Variants in DMTN observed in about 807,000 individuals in gnomAD.
DMTN encodes dematin.
DMTN carries 27 observed loss-of-function variants against 59.4 expected under a neutral mutation model. That is an observed-to-expected ratio of 0.45 (90% CI 0.33 to 0.63). The LOEUF (loss-of-function observed/expected upper bound fraction) is 0.63. Among genes scored for constraint, DMTN ranks in the 20% least tolerant of loss-of-function variants. DMTN has a pLI of 0.02. For synonymous variants in DMTN, 221 were observed against 203.7 expected, an observed-to-expected ratio of 1.08 and a Z score of -0.72; for missense variants, 451 against 528.9, an observed-to-expected ratio of 0.85 and a Z score of 1.45.
chr8:22,069,581 C>G (rs1277663331), intron 6 of DMTN, 63 bp downstream of exon 6: 2 of 1,388,842 alleles, frequency 1.4e-6, no homozygotes, highest in Non-Finnish European at 2.0e-6. Context: ...ACCCCAATCC[C>G]CTTACGCTCA....
intron 10 of DMTN, among the ~76,000 whole-genome samples, chr8:22,074,067 C>A (rs1428320348): frequency 6.6e-6 from 1 of 152,210 alleles, no homozygotes; most frequent in Admixed American, 6.5e-5. Context: ...TGAGCGTTTA[C>A]CATGTGCTAG....
chr8:22,079,302 T>TATATATATAAATA (rs1491109949), intron 10 of DMTN, among the ~76,000 whole-genome samples: 5 of 15,522 alleles, frequency 3.2e-4, no homozygotes, highest in African/African-American at 6.2e-4. Flanking sequence ...ATATATATAT[T>TATATATATAAATA]AGCTGGGTTT....
chr8:22,060,735 G>A lies in DMTN; in HGVS notation c.-172+3599G>A, dbSNP rs957708680. Among the ~76,000 whole-genome samples the A allele has an allele frequency of 3.3e-5, 5 of 152,252 alleles. No individual in the cohort carries two copies. The highest frequency in any genetic ancestry group is 9.6e-5 in the African/African-American group (4 of 41,476). On this transcript the variant is annotated intron_variant, in intron 1 of 15. Coordinates refer to ENST00000358242, the MANE Select transcript of DMTN (RefSeq NM_001387751.1). This position sits in a 1 kb window ranked among gnomAD's most constrained non-coding sequence, Gnocchi z 5.0. Reference sequence around the variant, plus strand: ...GCGCAAGACCCAGCAGTGGGGTTGTGGGCAGGAAGGGACTGGAGACAGAGC... The same window carrying A: ...GCGCAAGACCCAGCAGTGGGGTTGTAGGCAGGAAGGGACTGGAGACAGAGC...
rs961111048 is a variant in DMTN at position 22,082,262 on chromosome 8, C to T, written c.*799C>T. On this transcript the variant is annotated 3_prime_UTR_variant, in exon 16 of 16. Transcript: ENST00000358242. ...CTGGCTACCAGCTCTCACCTACACC[C>T]ACGCACCCCCCCACACACTATGCTC... 1 of 457,006 alleles carries T rather than the reference C, an allele frequency of 2.2e-6. No homozygotes were observed. Among genetic ancestry groups the T allele is most frequent in the Non-Finnish European group, 4.4e-6 (1 of 227,024 alleles). 28.3% of individuals were successfully genotyped at this position (457,006 alleles called of 1,614,324 possible).
intron 1 of DMTN, among the ~76,000 whole-genome samples, chr8:22,065,699 C>T (rs1810015469): frequency 6.6e-6 from 1 of 152,050 alleles, no homozygotes; most frequent in East Asian, 2.0e-4. Flanking sequence ...AAAAATTAGC[C>T]AGGCACACGC....
chr8:22,071,774 G>A (rs1185459177), intron 8 of DMTN, among the ~76,000 whole-genome samples: 2 of 151,338 alleles, frequency 1.3e-5, no homozygotes, highest in South Asian at 2.1e-4. Flanking sequence ...TAGAGATGGG[G>A]TTTCACCATG....
rs1444910931 is a variant in DMTN, at chr8:22,067,639, C to G, written c.206C>G (p.Thr69Ser). 1 of 1,614,152 alleles carries G rather than the reference C, an allele frequency of 6.2e-7. No individual in the cohort carries two copies. Among genetic ancestry groups the G allele is most frequent in the African/African-American group, 1.3e-5 (1 of 75,064 alleles). The change falls in exon 4 of 16, where the codon ACT becomes AGT. Residue 69 changes from threonine (T) to serine (S), a missense_variant. Physicochemically the swap from Thr to Ser is moderately conservative, Grantham distance 58 (BLOSUM62 1). Coordinates refer to ENST00000358242, the MANE Select transcript of DMTN (RefSeq NM_001387751.1). ...CTCATGATCTACGAGCCTCACTTCA[C>G]TTATTCCCTCCTGGAACACGTGGAG... ...PDLMIYEPHF[T>S]YSLLEHVELP...
chr8:22,062,822 C>T (rs1038914940), intron 1 of DMTN, among the ~76,000 whole-genome samples: 3 of 142,484 alleles, frequency 2.1e-5, no homozygotes, highest in African/African-American at 7.6e-5. Context: ...CCCTCCCATT[C>T]TTTCTCTCAA....
At chr8:22,079,302 T>TATATATATATATATATATATATATA (rs1491109949) in intron 10 of DMTN, among the ~76,000 whole-genome samples, 1 of 15,534 alleles carries the variant, frequency 6.4e-5, no homozygotes, top group African/African-American at 1.2e-4. Flanking sequence ...ATATATATAT[T>TATATATATATATATATATATATATA]AGCTGGGTTT....
rs774024887 is a variant in DMTN at position 22,069,530 on chromosome 8, C to T, written c.394+12C>T. On this transcript the variant is annotated intron_variant, in intron 6 of 15. Coordinates refer to ENST00000358242, the MANE Select transcript of DMTN (RefSeq NM_001387751.1). The stretch of plus-strand genomic sequence containing the variant: ...TTTCCACCACCCTGGTAGGTCTTCT[C>T]GGCACGACCTCATTGTTTCCTAAGA... 19 of 1,578,980 alleles carry T rather than the reference C, an allele frequency of 1.2e-5. No individual in the cohort carries two copies. Among genetic ancestry groups the T allele is most frequent in the East Asian group, 1.1e-4 (5 of 44,404 alleles).
At chr8:22,062,651 C>T (rs960242556) in intron 1 of DMTN, among the ~76,000 whole-genome samples, 1 of 151,968 alleles carries the variant, frequency 6.6e-6, no homozygotes, top group African/African-American at 2.4e-5. Context: ...CCTGGCTGTA[C>T]CACCTGGCCA....
chr8:22,069,790 C>T (rs1016876921), intron 6 of DMTN, 91 bp from the exon 7 acceptor site: 9 of 1,459,534 alleles, frequency 6.2e-6, no homozygotes, highest in African/African-American at 2.8e-5. Context: ...GTGAGTTCCC[C>T]ACCTTGTCCC....
intron 1 of DMTN, among the ~76,000 whole-genome samples, chr8:22,065,530 G>A (rs889074351): frequency 6.6e-6 from 1 of 152,148 alleles, no homozygotes; most frequent in African/African-American, 2.4e-5. Context: ...GGTGGACAGA[G>A]CAGTGGAAGG....
At position 22,080,736 on chromosome 8, in the gene DMTN, A is replaced by G. The variant is rs529705525; in HGVS notation, c.958-69A>G. On this transcript the variant is annotated intron_variant, in intron 13 of 15. Transcript: ENST00000358242. ...CCACAGAGTTGCCTGGTGAAGAAGA[A>G]GAAGCCGGGGTAAGGCTGGGAAGGT... is the stretch of plus-strand genomic sequence containing the variant. 7.3e-4 allele frequency: 1,160 copies of G among 1,587,124 alleles called. 27 individuals carry two copies. In the South Asian group the frequency reaches 0.013, roughly 17 times the overall value.
At chr8:22,080,352 G>C in intron 11 of DMTN, 60 bp from the exon 12 acceptor site, 1 of 1,613,698 alleles carries the variant, frequency 6.2e-7, no homozygotes. Flanking sequence ...GACCCCCAAA[G>C]TGAAGGGGAC....
At chr8:22,072,144 C>A (rs1816039832) in intron 8 of DMTN, among the ~76,000 whole-genome samples, 182 bp from the exon 9 acceptor site, 1 of 152,150 alleles carries the variant, frequency 6.6e-6, no homozygotes, top group Non-Finnish European at 1.5e-5. Flanking sequence ...CCCACCTCAG[C>A]CTCCCAATGT....
chr8:22,066,785 G>A lies in DMTN; in HGVS notation c.-91G>A. ...CTGCTTTCGCGGCCCCAAGCGCGCAGCGCCCAGCAGCCGCGCCGAGCCTGA... is the reference window on the plus strand; with the variant it reads ...CTGCTTTCGCGGCCCCAAGCGCGCAACGCCCAGCAGCCGCGCCGAGCCTGA... On this transcript the variant is annotated 5_prime_UTR_variant, in exon 2 of 16. Transcript: ENST00000358242. 7.3e-7 allele frequency: 1 copy of A among 1,361,564 alleles called. No individual in the cohort carries two copies. Among genetic ancestry groups the A allele is most frequent in the Non-Finnish European group, 9.6e-7 (1 of 1,045,616 alleles). 84.3% of individuals were successfully genotyped at this position (1,361,564 alleles called of 1,614,324 possible). A position where few individuals can be genotyped will look rare whatever the true frequency, so the allele number is the denominator to read the frequency against.
chr8:22,058,489 G>A lies in DMTN; in HGVS notation c.-172+1353G>A, dbSNP rs917475964. 6.6e-6 allele frequency among the ~76,000 whole-genome samples: 1 copy of A among 152,216 alleles called. No individual in the cohort carries two copies. Among genetic ancestry groups the A allele is most frequent in the Non-Finnish European group, 1.5e-5 (1 of 68,024 alleles). On this transcript the variant is annotated intron_variant, in intron 1 of 15. Coordinates refer to ENST00000358242, the MANE Select transcript of DMTN (RefSeq NM_001387751.1). This position sits in a 1 kb window ranked among gnomAD's most constrained non-coding sequence, Gnocchi z 4.3. ...AAAGCGGGGTCTCTTCAGAGGGTGG[G>A]TGGAGAGGGCACATAGAAACCAAAC...
chr8:22,049,101 G>GCCGGGCC (rs1174790898), upstream of DMTN: 7 of 149,138 alleles, frequency 4.7e-5, no homozygotes, highest in Non-Finnish European at 9.0e-5. Flanking sequence ...CGTGCATCCA[G>GCCGGGCC]CCGGGCCCCG....
Sources: allele counts gnomAD v4.1 joint callset (sites outside exome capture counted in the v4.1 genomes callset), GRCh38; gene constraint gnomAD v4.1.1; non-coding constraint Gnocchi (gnomAD v3.1); transcripts MANE v1.5; gene names NCBI Gene and HGNC (gene_info 2026-07-23, HGNC 2026-07-21).